Variants in GALNT17 observed in about 807,000 individuals in gnomAD.
GALNT17 encodes polypeptide N-acetylgalactosaminyltransferase 17.
In GALNT17, 29 loss-of-function variants were observed where a neutral mutation model predicts 63.7. That is an observed-to-expected ratio of 0.46 (90% CI 0.34 to 0.62). The LOEUF is 0.62. GALNT17 is among the 20% of genes least tolerant of loss of function. The pLI, the probability that GALNT17 is intolerant of heterozygous loss-of-function variation, is 0.01. For synonymous variants in GALNT17, 305 were observed against 318.3 expected (o/e 0.96, Z 0.45); for missense variants, 603 against 799.6 (o/e 0.75, Z 2.97).
At position 71,608,946 on chromosome 7, in the gene GALNT17, ATT is replaced by A. The variant is rs766905822; in HGVS notation, c.1080+37557_1080+37558del. On this transcript the variant is annotated intron_variant, in intron 6 of 10. Transcript: ENST00000333538. ...AGGTGCTTACCACCACTCCCAGCTA[ATT>A]TTTTTTTTTTTTGGTAGCGATGGGG... Among the ~76,000 whole-genome samples, 15 of 140,628 alleles carry A rather than the reference ATT, an allele frequency of 1.1e-4. 1 individual carries two copies. The highest frequency in any genetic ancestry group is 4.0e-4 in the African/African-American group (15 of 37,770). 92.3% of individuals were successfully genotyped at this position (140,628 alleles called of 152,430 possible).
chr7:71,437,535 T>A (rs1786987643), intron 5 of GALNT17, among the ~76,000 whole-genome samples: 1 of 152,220 alleles, frequency 6.6e-6, no homozygotes, highest in East Asian at 1.9e-4. Flanking sequence ...ACTCCCTAGT[T>A]GGTCGGCTCT....
chr7:71,374,862 C>T (rs1377565170), intron 2 of GALNT17, among the ~76,000 whole-genome samples: 5 of 117,578 alleles, frequency 4.3e-5, no homozygotes, highest in South Asian at 5.4e-4. Flanking sequence ...TTTTTTGAGA[C>T]GGAGTCTTGC....
At chr7:71,457,931 A>G (rs1451036995) in intron 5 of GALNT17, among the ~76,000 whole-genome samples, 2 of 152,106 alleles carry the variant, frequency 1.3e-5, no homozygotes, top group Non-Finnish European at 2.9e-5. Flanking sequence ...TGACATTTTT[A>G]CACATTTTAT....
intron 1 of GALNT17, among the ~76,000 whole-genome samples, chr7:71,183,721 A>ACC (rs1186599524): frequency 2.0e-5 from 3 of 151,734 alleles, no homozygotes; most frequent in African/African-American, 7.3e-5. Context: ...ACATGGTGAA[A>ACC]CCCCCACTGT....
chr7:71,481,344 G>A (rs1787813699), intron 5 of GALNT17, among the ~76,000 whole-genome samples: 1 of 152,124 alleles, frequency 6.6e-6, no homozygotes, highest in African/African-American at 2.4e-5. Context: ...CCAACTACTG[G>A]GGAGGCTGAG....
At chr7:71,573,686 ATG>A (rs1789489135) in intron 6 of GALNT17, among the ~76,000 whole-genome samples, 1 of 152,000 alleles carries the variant, frequency 6.6e-6, no homozygotes, top group South Asian at 2.1e-4. Flanking sequence ...TCAGGGGTTC[ATG>A]TGCAGGTTTG....
At chr7:71,570,057 T>C (rs1174460688) in intron 5 of GALNT17, among the ~76,000 whole-genome samples, 3 of 151,926 alleles carry the variant, frequency 2.0e-5, no homozygotes, top group Non-Finnish European at 4.4e-5. Flanking sequence ...TTTTGTTTTT[T>C]TGGTTGTTTT....
chr7:71,391,934 A>C (rs190216387), intron 3 of GALNT17, among the ~76,000 whole-genome samples: 30 of 152,276 alleles, frequency 2.0e-4, no homozygotes, highest in South Asian at 1.9e-3. Flanking sequence ...GGTGAGTGTC[A>C]CATGATGAGA....
At chr7:71,576,131 G>C (rs1006563190) in intron 6 of GALNT17, among the ~76,000 whole-genome samples, 1 of 152,132 alleles carries the variant, frequency 6.6e-6, no homozygotes, top group Non-Finnish European at 1.5e-5. Context: ...CGAAGAAAAG[G>C]CATTCTCTTC....
chr7:71,231,437 AAGTCC>A (rs935377889), intron 1 of GALNT17, among the ~76,000 whole-genome samples: 2 of 152,146 alleles, frequency 1.3e-5, no homozygotes, highest in African/African-American at 4.8e-5. Flanking sequence ...GGAGAAGTGC[AAGTCC>A]AGAGCTTGCT....
chr7:71,235,141 C>T (rs1282553176), intron 1 of GALNT17, among the ~76,000 whole-genome samples: 1 of 151,792 alleles, frequency 6.6e-6, no homozygotes, highest in African/African-American at 2.4e-5. Context: ...GTCCCAGCTA[C>T]TCGGGAGGCT....
At chr7:71,133,793 G>A (rs1431328650) in intron 1 of GALNT17, among the ~76,000 whole-genome samples, 1 of 152,120 alleles carries the variant, frequency 6.6e-6, no homozygotes, top group Non-Finnish European at 1.5e-5. Flanking sequence ...TGTCACACCT[G>A]GGCCAGGTCA....
intron 5 of GALNT17, among the ~76,000 whole-genome samples, chr7:71,506,058 A>G (rs1016040524): frequency 6.6e-6 from 1 of 152,216 alleles, no homozygotes; most frequent in Non-Finnish European, 1.5e-5. Flanking sequence ...TTTCCTTTGG[A>G]TAAATACCTA....
At chr7:71,346,585 C>A (rs1018588636) in intron 2 of GALNT17, among the ~76,000 whole-genome samples, 4 of 152,084 alleles carry the variant, frequency 2.6e-5, no homozygotes, top group African/African-American at 7.2e-5. Flanking sequence ...TCAAACCCAG[C>A]TCTGTGTGTA....
intron 2 of GALNT17, among the ~76,000 whole-genome samples, chr7:71,362,666 C>T (rs1439879206): frequency 6.6e-6 from 1 of 152,092 alleles, no homozygotes; most frequent in Non-Finnish European, 1.5e-5. Context: ...GGCCAAGATG[C>T]TGATTTAGTG....
intron 1 of GALNT17, among the ~76,000 whole-genome samples, chr7:71,333,509 A>G (rs35964468): frequency 0.26 from 39,047 of 152,096 alleles, 6,324 homozygotes; most frequent in Non-Finnish European, 0.35. Context: ...TTAGGAGTGG[A>G]ATTGCTGGGT....
intron 1 of GALNT17, among the ~76,000 whole-genome samples, chr7:71,166,445 G>T (rs1246695934): frequency 6.6e-6 from 1 of 152,176 alleles, no homozygotes; most frequent in Admixed American, 6.6e-5. Context: ...GCATGATCAA[G>T]ATAGTGACGC....
At chr7:71,331,518 G>C (rs1429043711) in intron 1 of GALNT17, among the ~76,000 whole-genome samples, 1 of 152,092 alleles carries the variant, frequency 6.6e-6, no homozygotes, top group African/African-American at 2.4e-5. Context: ...GACCAGCCTG[G>C]GGCACCATAG....
intron 9 of GALNT17, among the ~76,000 whole-genome samples, chr7:71,696,426 T>G (rs1791547165): frequency 6.6e-6 from 1 of 152,144 alleles, no homozygotes; most frequent in Non-Finnish European, 1.5e-5. Flanking sequence ...AAACCTACAT[T>G]TTGCATTTAG....
Sources: allele counts gnomAD v4.1 joint callset (sites outside exome capture counted in the v4.1 genomes callset), GRCh38; gene constraint gnomAD v4.1.1; transcripts MANE v1.5; gene names NCBI Gene and HGNC (gene_info 2026-07-23, HGNC 2026-07-21).